The following PCDH15 variants were observed in gnomAD, a reference collection of about 807,000 sequenced individuals.
The protein encoded by PCDH15 is protocadherin related 15.
PCDH15 carries 129 observed loss-of-function variants against 178.5 expected under a neutral mutation model. That is an observed-to-expected ratio of 0.72 (90% confidence interval 0.63 to 0.84). The LOEUF (loss-of-function observed/expected upper bound fraction) is 0.84, where lower values mean the gene tolerates loss of function less well. Ranked by LOEUF, PCDH15 falls within the 40% of genes least tolerant of loss-of-function variation. The probability of loss-of-function intolerance (pLI) is 0.00; values close to 1 mark genes in which losing one functional copy is unlikely to be tolerated. For missense variants in PCDH15, 2,230 were observed against 2,099.9 expected (o/e 1.06, Z -1.21); for synonymous variants, 800 against 732.0 (o/e 1.09, Z -1.50).
intron 1 of PCDH15, among the ~76,000 whole-genome samples, chr10:55,212,442 GTGTGTC>G (rs1298885056): frequency 2.6e-5 from 4 of 151,920 alleles, no homozygotes; most frequent in African/African-American, 9.7e-5. Flanking sequence ...CTCCCTCTTT[GTGTGTC>G]TGTGTCCTTG....
chr10:53,854,100 G>A (rs2078571584), intron 28 of PCDH15, among the ~76,000 whole-genome samples: 1 of 151,982 alleles, frequency 6.6e-6, no homozygotes, highest in African/African-American at 2.4e-5. Flanking sequence ...TCTATCACAT[G>A]CTAAGCTGTA....
chr10:54,586,843 A>G (rs998587577), intron 2 of PCDH15, among the ~76,000 whole-genome samples: 8 of 148,258 alleles, frequency 5.4e-5, no homozygotes, highest in African/African-American at 1.1e-4. Context: ...TAGCTAGTAG[A>G]AAAAAATGGT....
chr10:55,571,881 G>A lies in PCDH15; in HGVS notation c.-156+55744C>T, dbSNP rs904160692. 3.9e-5 allele frequency among the ~76,000 whole-genome samples: 6 copies of A among 152,164 alleles called. No individual in the cohort carries two copies. In the South Asian group the frequency reaches 1.2e-3, roughly 32 times the overall value. ...TTTATACTTTATCATCGTATGCACTGTATCTTTGCAAAGCAATAAAAGTGT... is the reference window on the plus strand; with the variant it reads ...TTTATACTTTATCATCGTATGCACTATATCTTTGCAAAGCAATAAAAGTGT... On this transcript the variant is annotated intron_variant, in intron 2 of 5. Coordinates refer to the PCDH15 transcript ENST00000613346.
chr10:54,315,418 G>T (rs1268064216), intron 8 of PCDH15, among the ~76,000 whole-genome samples: 1 of 152,156 alleles, frequency 6.6e-6, no homozygotes, highest in South Asian at 2.1e-4. Context: ...CCTCATAGAT[G>T]CTGGATATTA....
chr10:53,941,893 C>T (rs1436520453), intron 23 of PCDH15, among the ~76,000 whole-genome samples: 1 of 152,062 alleles, frequency 6.6e-6, no homozygotes, highest in Non-Finnish European at 1.5e-5. Context: ...ATTTTTTTAT[C>T]CATATTTATG....
intron 2 of PCDH15, among the ~76,000 whole-genome samples, chr10:54,626,305 G>A (rs77700097): frequency 1.5e-3 from 234 of 152,160 alleles, no homozygotes; most frequent in African/African-American, 5.6e-3. Flanking sequence ...AACACAATAG[G>A]GGAAATGTCT....
chr10:55,140,121 T>A (rs758522442), intron 2 of PCDH15, among the ~76,000 whole-genome samples: 1 of 152,014 alleles, frequency 6.6e-6, no homozygotes, highest in African/African-American at 2.4e-5. Flanking sequence ...TTTGGTCTCC[T>A]GTGACGTTAC....
intron 28 of PCDH15, among the ~76,000 whole-genome samples, chr10:53,853,363 C>T (rs10763013): frequency 0.39 from 59,673 of 151,748 alleles, 16,094 homozygotes; most frequent in East Asian, 0.98. Context: ...GATTTGACAA[C>T]GATTTATTGA....
At position 53,877,450 on chromosome 10, in the gene PCDH15, T is replaced by C. The variant is rs183535810; in HGVS notation, c.3502-10593A>G. ...TTGAATCACAAAATGCTATTAATTT[T>C]TACCGAAAATATCCACTCTTAAACA... On this transcript the variant is annotated intron_variant, in intron 26 of 37. Transcript: ENST00000644397. Among the ~76,000 whole-genome samples the C allele has an allele frequency of 2.0e-4, 29 of 147,516 alleles. No individual in the cohort carries two copies. The East Asian group carries it at 4.7e-3, about 24-fold the overall frequency.
chr10:54,095,168 T>C (rs1459195171), intron 15 of PCDH15, among the ~76,000 whole-genome samples: 1 of 152,188 alleles, frequency 6.6e-6, no homozygotes, highest in Non-Finnish European at 1.5e-5. Context: ...AGTTCTGATT[T>C]ATGTTATTAA....
intron 2 of PCDH15, among the ~76,000 whole-genome samples, chr10:55,456,267 C>T (rs1839550262): frequency 6.6e-6 from 1 of 151,976 alleles, no homozygotes; most frequent in Admixed American, 6.6e-5. Context: ...TGAAATATAA[C>T]AGGAAAATAT....
rs558363659 is a variant in PCDH15 at position 54,935,107 on chromosome 10, C to T, written c.-79-37607G>A. 1.5e-3 allele frequency among the ~76,000 whole-genome samples: 227 copies of T among 151,574 alleles called. 1 individual carries two copies. The highest frequency in any genetic ancestry group is 0.014 in the Middle Eastern group (4 of 294). On this transcript the variant is annotated intron_variant, in intron 2 of 5. Transcript: ENST00000458638. ...GGGTGTGGGGAGGGGGGAGGGATAGCATTAGGAGATATACCTAATGCTAAA... is the reference window on the plus strand; with the variant it reads ...GGGTGTGGGGAGGGGGGAGGGATAGTATTAGGAGATATACCTAATGCTAAA...
At chr10:55,073,577 A>C (rs148574684) in intron 2 of PCDH15, among the ~76,000 whole-genome samples, 1 of 152,116 alleles carries the variant, frequency 6.6e-6, no homozygotes. Flanking sequence ...TTTTACATCT[A>C]TCTTCATCAG....
At chr10:55,585,264 G>C (rs1441803080) in intron 2 of PCDH15, among the ~76,000 whole-genome samples, 1 of 152,132 alleles carries the variant, frequency 6.6e-6, no homozygotes. Context: ...AAGAAAATCA[G>C]TGCTTCCCTG....
intron 3 of PCDH15, among the ~76,000 whole-genome samples, chr10:54,504,827 G>A (rs1240819929): frequency 6.6e-6 from 1 of 152,008 alleles, no homozygotes; most frequent in Non-Finnish European, 1.5e-5. Context: ...TTTTCTCTCT[G>A]TACTCTCTCT....
intron 2 of PCDH15, among the ~76,000 whole-genome samples, chr10:54,639,858 A>C (rs2093951626): frequency 6.6e-6 from 1 of 152,182 alleles, no homozygotes; most frequent in Non-Finnish European, 1.5e-5. Flanking sequence ...TATTTAACAA[A>C]AAAGACTAAT....
intron 3 of PCDH15, among the ~76,000 whole-genome samples, chr10:54,432,547 C>A (rs1316977175): frequency 6.6e-6 from 1 of 152,108 alleles, no homozygotes; most frequent in African/African-American, 2.4e-5. Flanking sequence ...TGAAACTTGA[C>A]CCCTATCTAC....
At chr10:54,333,828 C>G (rs1370027619) in intron 6 of PCDH15, among the ~76,000 whole-genome samples, 3 of 152,086 alleles carry the variant, frequency 2.0e-5, no homozygotes. Context: ...TTTGAGAAAC[C>G]ACTGTACTAC....
chr10:54,634,374 G>A (rs1246224032), intron 2 of PCDH15, among the ~76,000 whole-genome samples: 1 of 152,030 alleles, frequency 6.6e-6, no homozygotes, highest in African/African-American at 2.4e-5. Flanking sequence ...GTCTCAAAGT[G>A]TTCCTTTCTT....
Sources: gnomAD v4.1 joint callset for allele counts (sites outside exome capture counted in the v4.1 genomes callset) on GRCh38, gnomAD v4.1.1 for gene constraint, MANE v1.5 for transcripts, NCBI Gene and HGNC (gene_info 2026-07-23, HGNC 2026-07-21) for gene names.